LRPAP1: variants seen among roughly 807,000 people sequenced by gnomAD.
LRPAP1 encodes LDL receptor related protein associated protein 1.
A neutral mutation model predicts 39.9 loss-of-function variants in LRPAP1; 41 were observed. That is an observed-to-expected ratio of 1.03 (90% CI 0.80 to 1.33). LRPAP1 has a LOEUF of 1.33. LRPAP1 is among the 40% of genes most tolerant of loss of function. The pLI is 0.00. For synonymous variants in LRPAP1, 263 were observed against 212.7 expected, an observed-to-expected ratio of 1.24 and a Z score of -2.06; for missense variants, 565 against 482.3, an observed-to-expected ratio of 1.17 and a Z score of -1.61.
chr4:3,528,665 C>T (rs1166511343), intron 1 of LRPAP1, among the ~76,000 whole-genome samples: 2 of 152,238 alleles, frequency 1.3e-5, no homozygotes, highest in East Asian at 1.9e-4. Flanking sequence ...GAGGAGCAGG[C>T]TGTGGCGGTG....
chr4:3,513,155 T>G, intron 7 of LRPAP1, 119 bp from the exon 8 acceptor site: 1 of 716,978 alleles, frequency 1.4e-6, no homozygotes, highest in Non-Finnish European at 2.4e-6. Context: ...CCTGCACATC[T>G]GACTTTCCAA....
At chr4:3,519,328 G>A (rs556302687) in intron 3 of LRPAP1, among the ~76,000 whole-genome samples, 73 of 152,238 alleles carry the variant, frequency 4.8e-4, no homozygotes, top group African/African-American at 1.6e-3. Flanking sequence ...AGGACAGCAA[G>A]GCCACCTTCC....
chr4:3,516,661 A>C (rs972393428), intron 5 of LRPAP1, among the ~76,000 whole-genome samples: 1 of 152,204 alleles, frequency 6.6e-6, no homozygotes, highest in Non-Finnish European at 1.5e-5. Context: ...TGTGCTCGTG[A>C]AAGTCAAACA....
At chr4:3,515,434 G>A (rs1194583806) in intron 6 of LRPAP1, among the ~76,000 whole-genome samples, 3 of 152,212 alleles carry the variant, frequency 2.0e-5, no homozygotes, top group Admixed American at 1.3e-4. Flanking sequence ...GCCCCAGAGG[G>A]AAGCTCCTGA....
In LRPAP1 at chr4:3,509,984, T is replaced by G. The variant is rs1433800802; in HGVS notation, c.*2990A>C. On this transcript the variant is annotated 3_prime_UTR_variant, in exon 8 of 8. Coordinates refer to ENST00000650182, the MANE Select transcript of LRPAP1 (RefSeq NM_002337.4). ...ATTGCTATTGAAATTCCAGAAGGCA[T>G]GTTTTTTTGGTAGAAATTGAGACAC... 2 of 143,182 alleles carry G rather than the reference T, an allele frequency of 1.4e-5. No homozygotes were observed. The highest frequency in any genetic ancestry group is 3.1e-5 in the Non-Finnish European group (2 of 64,502). 8.9% of individuals were successfully genotyped at this position (143,182 alleles called of 1,614,324 possible). A position where few individuals can be genotyped will look rare whatever the true frequency, so the allele number is the denominator to read the frequency against.
intron 1 of LRPAP1, among the ~76,000 whole-genome samples, chr4:3,528,222 A>C (rs1246128916): frequency 6.6e-6 from 1 of 152,246 alleles, no homozygotes; most frequent in Non-Finnish European, 1.5e-5. Context: ...GAACCTGTCA[A>C]ACATGAAGCA....
rs753829757 is a variant in LRPAP1, at chr4:3,504,720, A to G, written c.*8254T>C. 4.4e-5 allele frequency among the ~76,000 whole-genome samples: 4 copies of G among 90,346 alleles called. No individual in the cohort carries two copies. The highest frequency in any genetic ancestry group is 7.2e-5 in the Non-Finnish European group (3 of 41,694). 59.3% of individuals were successfully genotyped at this position (90,346 alleles called of 152,430 possible). ...AGCCAAGATTGCGCCATTGCACTGCAGCCTGAGCAATTGAGATTCCATCTC... is the reference window on the plus strand; with the variant it reads ...AGCCAAGATTGCGCCATTGCACTGCGGCCTGAGCAATTGAGATTCCATCTC... On this transcript the variant is annotated 3_prime_UTR_variant, in exon 8 of 8. Coordinates refer to ENST00000650182, the MANE Select transcript of LRPAP1 (RefSeq NM_002337.4).
chr4:3,516,170 C>T lies in LRPAP1; in HGVS notation c.780G>A (p.Leu260=). 1 of 1,581,272 alleles carries T rather than the reference C, an allele frequency of 6.3e-7. No homozygotes were observed. The highest frequency in any genetic ancestry group is 8.6e-7 in the Non-Finnish European group (1 of 1,164,076). Residue 260 remains leucine (L), a synonymous_variant, in exon 6 of 8, where the codon CTG becomes CTA. Transcript: ENST00000650182. ...AEFEEPRVID[L]WDLAQSANLT... is the part of the protein sequence containing the mutation. ...GGTTGGCGGACTGCGCCAGGTCCCA[C>T]AGGTCAATCACCCTGGGCTCCTCGA...
chr4:3,505,629 G>A lies in LRPAP1; in HGVS notation c.*7345C>T, dbSNP rs1277076800. ...TGAGCACCACTACCAGCTACCCCAA[G>A]CCCGTCTATACCAGCTACCCCAAGA... is the stretch of plus-strand genomic sequence containing the variant. On this transcript the variant is annotated 3_prime_UTR_variant, in exon 8 of 8. Coordinates refer to ENST00000650182, the MANE Select transcript of LRPAP1 (RefSeq NM_002337.4). 6.6e-6 allele frequency among the ~76,000 whole-genome samples: 1 copy of A among 152,082 alleles called. No individual in the cohort carries two copies. The highest frequency in any genetic ancestry group is 1.5e-5 in the Non-Finnish European group (1 of 68,010).
At chr4:3,527,274 C>T (rs1577211912) in intron 1 of LRPAP1, among the ~76,000 whole-genome samples, 1 of 152,156 alleles carries the variant, frequency 6.6e-6, no homozygotes, top group African/African-American at 2.4e-5. Flanking sequence ...AGCTCCACCC[C>T]GTGCCCCTCT....
chr4:3,512,791 A>T lies in LRPAP1; in HGVS notation c.*183T>A. On this transcript the variant is annotated 3_prime_UTR_variant, in exon 8 of 8. Coordinates refer to ENST00000650182, the MANE Select transcript of LRPAP1 (RefSeq NM_002337.4). ...TGGGCCGATCTCAGACCCAAATGCT[A>T]CCACCACCAAGCCCTGTGTCGCGAC... 1 of 593,882 alleles carries T rather than the reference A, an allele frequency of 1.7e-6. No homozygotes were observed. The highest frequency in any genetic ancestry group is 3.0e-6 in the Non-Finnish European group (1 of 334,154). The allele number at this position is 593,882 out of a possible 1,614,324, so 36.8% of individuals were successfully genotyped here.
At position 3,516,003 on chromosome 4, in the gene LRPAP1, G is replaced by A. The variant is rs549367840; in HGVS notation, c.834+113C>T. On this transcript the variant is annotated intron_variant, in intron 6 of 7. Transcript: ENST00000650182. The stretch of plus-strand genomic sequence containing the variant: ...ACCGAGTGGTTAAGGAAGAAACTGC[G>A]AGAATCTTGAGAGAGAGAGCTTGGA... 2.0e-4 allele frequency: 212 copies of A among 1,069,866 alleles called. No individual in the cohort carries two copies. The East Asian group carries it at 4.6e-3, about 23-fold the overall frequency. The allele number at this position is 1,069,866 out of a possible 1,614,324, so 66.3% of individuals were successfully genotyped here.
Position 3,520,096 on chromosome 4 carries a change from G to A in LRPAP1, c.447C>T (p.Pro149=). 3 of 1,614,170 alleles carry A rather than the reference G, an allele frequency of 1.9e-6. No individual in the cohort carries two copies. The highest frequency in any genetic ancestry group is 2.7e-5 in the African/African-American group (2 of 75,068). Residue 149 remains proline (P), a synonymous_variant, in exon 3 of 8, where the codon CCC becomes CCT. Transcript: ENST00000650182. ...SGTQEDGLDD[P]RLEKLWHKAK... ...CCTTGTGCCACAGCTTTTCCAGCCT[G>A]GGGTCATCCAGCCCGTCTTCCTGGG...
intron 2 of LRPAP1, among the ~76,000 whole-genome samples, chr4:3,520,862 C>A (rs917537881): frequency 6.6e-5 from 10 of 152,246 alleles, no homozygotes; most frequent in African/African-American, 2.4e-4. Context: ...TGGTGCTCCC[C>A]TAGCCCCGCT....
At chr4:3,518,561 A>G (rs1279992427) in intron 4 of LRPAP1, among the ~76,000 whole-genome samples, 1 of 152,156 alleles carries the variant, frequency 6.6e-6, no homozygotes, top group African/African-American at 2.4e-5. Flanking sequence ...CGAGTCCAGA[A>G]TGAAGGACCC....
At chr4:3,528,157 G>A (rs1273995484) in intron 1 of LRPAP1, among the ~76,000 whole-genome samples, 1 of 152,190 alleles carries the variant, frequency 6.6e-6, no homozygotes, top group Admixed American at 6.5e-5. Context: ...CCTCTCTCAA[G>A]TTAAATGTTA....
chr4:3,518,210 G>A lies in LRPAP1; in HGVS notation c.593-18C>T, dbSNP rs767514882. The stretch of plus-strand genomic sequence containing the variant: ...GTGGATTTCTGTAAAACCGAAGGCA[G>A]GACGCCATGAGGCTGGGAGTCCTCG... On this transcript the variant is annotated intron_variant, in intron 4 of 7. Coordinates refer to ENST00000650182, the MANE Select transcript of LRPAP1 (RefSeq NM_002337.4). 1.2e-6 allele frequency: 2 copies of A among 1,603,000 alleles called. No homozygotes were observed. The highest frequency in any genetic ancestry group is 1.7e-6 in the Non-Finnish European group (2 of 1,172,502).
chr4:3,517,746 T>C (rs1403802601), intron 5 of LRPAP1: 1 of 349,596 alleles, frequency 2.9e-6, no homozygotes, highest in Non-Finnish European at 5.2e-6. Context: ...GGAGGGGCCG[T>C]GCTGCTGAGG....
chr4:3,520,522 G>A (rs1729880395), intron 2 of LRPAP1, among the ~76,000 whole-genome samples: 1 of 152,212 alleles, frequency 6.6e-6, no homozygotes, highest in Non-Finnish European at 1.5e-5. Context: ...AGCAGCTGGT[G>A]GGCTGGGCTG....
Sources: gnomAD v4.1 joint callset for allele counts (sites outside exome capture counted in the v4.1 genomes callset) on GRCh38, gnomAD v4.1.1 for gene constraint, MANE v1.5 for transcripts, NCBI Gene and HGNC (gene_info 2026-07-23, HGNC 2026-07-21) for gene names.